The following TJP1 variants were observed in gnomAD, a reference collection of about 807,000 sequenced individuals.
TJP1 encodes tight junction protein 1.
A neutral mutation model predicts 194.2 loss-of-function variants in TJP1; 43 were observed. The ratio of observed to expected loss-of-function variants is 0.22; its 90% CI spans 0.17 to 0.29. The LOEUF (loss-of-function observed/expected upper bound fraction) is 0.29, where lower values mean the gene tolerates loss of function less well. TJP1 is among the 10% of genes least tolerant of loss of function. The pLI is 1.00. For missense variants in TJP1, 1,971 were observed against 2,185.7 expected (o/e 0.90, Z 1.96); for synonymous variants, 801 against 779.0 (o/e 1.03, Z -0.47).
intron 4 of TJP1, among the ~76,000 whole-genome samples, chr15:29,768,750 A>G (rs1160175844): frequency 6.6e-6 from 1 of 152,242 alleles, no homozygotes; most frequent in African/African-American, 2.4e-5. Flanking sequence ...TTATGAATCA[A>G]CAGTTATAAA....
At chr15:29,782,638 A>G (rs1254213885) in intron 2 of TJP1, among the ~76,000 whole-genome samples, 1 of 152,204 alleles carries the variant, frequency 6.6e-6, no homozygotes, top group Non-Finnish European at 1.5e-5. Context: ...GGAACTGGCA[A>G]AGATTGCATG....
intron 16 of TJP1, 83 bp from the exon 17 acceptor site, chr15:29,727,074 C>G: frequency 8.2e-7 from 1 of 1,216,294 alleles, no homozygotes; most frequent in Non-Finnish European, 1.2e-6. Context: ...TGCAGTGGCT[C>G]ACGCTACGCC....
chr15:29,787,155 C>G (rs2047751659), intron 2 of TJP1, among the ~76,000 whole-genome samples: 1 of 152,148 alleles, frequency 6.6e-6, no homozygotes, highest in Non-Finnish European at 1.5e-5. Context: ...TAAATTCACT[C>G]TTTAAAGTGT....
chr15:29,704,256 C>A lies in TJP1; in HGVS notation c.5118G>T (p.Lys1706Asn), dbSNP rs771212279. Residue 1706 changes from lysine to asparagine, a missense_variant, in exon 27 of 28, where the codon AAG (lysine) becomes AAT (asparagine). This residue lies in a region of TJP1 where 1,108 missense variants were observed against 1,128.5 expected (regional missense o/e 0.98). Coordinates refer to ENST00000614355, the MANE Select transcript of TJP1 (RefSeq NM_001330239.4). ...AGCGCAGCTCCACAGGCTTCAGGAA[C>A]TTGAGGCCATGGGGACCACACATCA... ...PLVMCGPHGL[K>N]FLKPVELRLP... is the part of the protein sequence containing the mutation. 9.4e-6 allele frequency: 15 copies of A among 1,598,804 alleles called. No individual in the cohort carries two copies. The highest frequency in any genetic ancestry group is 1.3e-5 in the African/African-American group (1 of 74,858).
chr15:29,840,201 A>G (rs1337535176), intron 2 of TJP1, among the ~76,000 whole-genome samples: 1 of 152,004 alleles, frequency 6.6e-6, no homozygotes, highest in Non-Finnish European at 1.5e-5. Context: ...TTGTTTTTTC[A>G]TCCTTTCAGC....
Position 29,891,652 on chromosome 15 carries a change from A to T in TJP1, c.306+64580T>A, listed in dbSNP as rs1481135919. Among the ~76,000 whole-genome samples, 3 of 152,198 alleles carry T rather than the reference A, an allele frequency of 2.0e-5. No homozygotes were observed. The South Asian group carries it at 6.2e-4, about 32-fold the overall frequency. On this transcript the variant is annotated intron_variant, in intron 2 of 28. Transcript: ENST00000356107. ...TATTTCAAACTTTTTCATCGTTCTT[A>T]TATCTGTTGTGGTGATCTGTGATCA...
Position 29,773,374 on chromosome 15 carries a change from A to C in TJP1, c.85-17T>G, listed in dbSNP as rs761241020. 1.2e-5 allele frequency: 20 copies of C among 1,612,320 alleles called. No individual in the cohort carries two copies. Among genetic ancestry groups the C allele is most frequent in the Middle Eastern group, 1.7e-4 (1 of 6,056 alleles). ...TCCAGGAGCCTAAAGTAAAAATTAC[A>C]GTAAAATATTGCTATTAAGGACAAA... On this transcript the variant is annotated splice_polypyrimidine_tract_variant and intron_variant, in intron 2 of 27. Transcript: ENST00000614355.
In TJP1 at chr15:29,950,684, T is replaced by A. The variant is rs183582018; in HGVS notation, c.306+5548A>T. On this transcript the variant is annotated intron_variant, in intron 2 of 28. Transcript: ENST00000356107. ...GGGAAGCCCAGAAGTGGTGTCCATG[T>A]CCCTCCATGGACTTTCTTTCTACCG... 3.1e-3 allele frequency among the ~76,000 whole-genome samples: 468 copies of A among 152,338 alleles called. 1 individual carries two copies. The highest frequency in any genetic ancestry group is 5.0e-3 in the Non-Finnish European group (340 of 68,040).
At chr15:29,785,296 A>G (rs1251840079) in intron 2 of TJP1, among the ~76,000 whole-genome samples, 1 of 152,196 alleles carries the variant, frequency 6.6e-6, no homozygotes, top group Non-Finnish European at 1.5e-5. Flanking sequence ...ACTTGGAAAC[A>G]GGGTCCTGGA....
At chr15:29,810,419 T>C (rs1303459172) in intron 1 of TJP1, among the ~76,000 whole-genome samples, 2 of 152,204 alleles carry the variant, frequency 1.3e-5, no homozygotes, top group Non-Finnish European at 2.9e-5. Context: ...GCTACCATGA[T>C]GCCAGGATAT....
intron 2 of TJP1, among the ~76,000 whole-genome samples, chr15:29,955,961 C>T (rs2055925746): frequency 1.3e-5 from 2 of 151,918 alleles, no homozygotes; most frequent in Admixed American, 6.6e-5. Context: ...AATACTCTAT[C>T]GAACTTAAAT....
At chr15:29,934,233 A>G (rs1175176656) in intron 2 of TJP1, among the ~76,000 whole-genome samples, 1 of 152,224 alleles carries the variant, frequency 6.6e-6, no homozygotes, top group Non-Finnish European at 1.5e-5. Flanking sequence ...TGATGATACA[A>G]GTGTCCATCT....
At chr15:29,799,733 A>T (rs950241493) in intron 2 of TJP1, among the ~76,000 whole-genome samples, 1 of 152,180 alleles carries the variant, frequency 6.6e-6, no homozygotes, top group African/African-American at 2.4e-5. Context: ...CTATTTTTTA[A>T]TAATTAATTT....
rs1034064512 is a variant in TJP1, at chr15:29,720,183, G to T, written c.2764-167C>A. 2.7e-6 allele frequency: 3 copies of T among 1,123,364 alleles called. No individual in the cohort carries two copies. In the African/African-American group the frequency reaches 4.7e-5, roughly 18 times the overall value. 69.6% of individuals were successfully genotyped at this position (1,123,364 alleles called of 1,614,324 possible). ...AAAAAAAAAAATCCAGTACATTGCTGTGTTAAGACAAACACACAAAATTTA... is the reference window on the plus strand; with the variant it reads ...AAAAAAAAAAATCCAGTACATTGCTTTGTTAAGACAAACACACAAAATTTA... On this transcript the variant is annotated intron_variant, in intron 19 of 27. Transcript: ENST00000614355.
chr15:29,967,386 C>CAAGT (rs2056370917), intron 1 of TJP1, among the ~76,000 whole-genome samples: 1 of 151,700 alleles, frequency 6.6e-6, no homozygotes, highest in African/African-American at 2.4e-5. Context: ...AAAAACCAAA[C>CAAGT]TGGTGGGGGC....
intron 23 of TJP1, among the ~76,000 whole-genome samples, chr15:29,712,827 G>T (rs2042322210): frequency 6.8e-6 from 1 of 146,724 alleles, no homozygotes; most frequent in African/African-American, 2.5e-5. Context: ...AAAAAAAAAA[G>T]GCTGGGCAAA....
chr15:29,800,126 A>C (rs2048687291), intron 2 of TJP1, among the ~76,000 whole-genome samples: 1 of 152,230 alleles, frequency 6.6e-6, no homozygotes, highest in Admixed American at 6.5e-5. Context: ...AATTGATAGC[A>C]GTCTCACTTC....
At chr15:29,924,794 AC>A (rs10706256) in intron 2 of TJP1, among the ~76,000 whole-genome samples, 28,900 of 151,772 alleles carry the variant, frequency 0.19, 2,845 homozygotes, top group East Asian at 0.34. Context: ...GGAGATCTTA[AC>A]CCTAGGGCCG....
chr15:29,868,587 G>A (rs1212661377), intron 2 of TJP1, among the ~76,000 whole-genome samples: 1 of 152,132 alleles, frequency 6.6e-6, no homozygotes, highest in Non-Finnish European at 1.5e-5. Flanking sequence ...TTTATGGAAA[G>A]GAAGAAAGGG....
Sources: allele counts gnomAD v4.1 joint callset (sites outside exome capture counted in the v4.1 genomes callset), GRCh38; gene constraint gnomAD v4.1.1; regional missense constraint gnomAD v4.1.1; transcripts MANE v1.5; gene names NCBI Gene and HGNC (gene_info 2026-07-23, HGNC 2026-07-21).